Variants in IL1RAPL1 observed in about 807,000 individuals in gnomAD.
IL1RAPL1 encodes the protein interleukin 1 receptor accessory protein like 1.
Under a neutral mutation model 48.4 loss-of-function variants are expected in IL1RAPL1, and 3 were observed. The ratio of observed to expected loss-of-function variants is 0.06; its 90% CI spans 0.03 to 0.16. The LOEUF is 0.16. Among genes scored for constraint, IL1RAPL1 ranks in the 10% least tolerant of loss-of-function variants. IL1RAPL1 has a pLI of 1.00. For synonymous variants in IL1RAPL1, 185 were observed against 187.7 expected (o/e 0.99, Z 0.12); for missense variants, 349 against 530.6 (o/e 0.66, Z 3.36).
chrX:29,077,618 A>AAAAAAG lies in IL1RAPL1; in HGVS notation c.83-205316_83-205315insAGAAAA, dbSNP rs1555960262. ...ACTCTGTCTCAAAAAGAAAAAAAAAAAAAAGAAAAAGAAAACCGAAAACCT... is the reference window on the plus strand; with the variant it reads ...ACTCTGTCTCAAAAAGAAAAAAAAAAAAAAAGAAAAGAAAAAGAAAACCGAAAACCT... On this transcript the variant is annotated intron_variant, in intron 2 of 10. Transcript: ENST00000378993. Among the ~76,000 whole-genome samples, 79 of 104,669 alleles carry AAAAAAG rather than the reference A, an allele frequency of 7.5e-4. No individual in the cohort carries two copies. The South Asian group carries it at 9.3e-3, about 12-fold the overall frequency. The allele number at this position is 104,669 out of a possible 115,157, so 90.9% of individuals were successfully genotyped here. A position where few individuals can be genotyped will look rare whatever the true frequency, so the allele number is the denominator to read the frequency against.
chrX:28,977,261 G>T (rs923091505), intron 2 of IL1RAPL1, among the ~76,000 whole-genome samples: 25 of 112,314 alleles, frequency 2.2e-4, no homozygotes, highest in Admixed American at 6.6e-4. Context: ...TTGGTTCACA[G>T]TTCTGCAGGC....
intron 2 of IL1RAPL1, among the ~76,000 whole-genome samples, chrX:29,141,874 A>G (rs2147492109): frequency 8.9e-6 from 1 of 112,323 alleles, no homozygotes; most frequent in African/African-American, 3.2e-5. Flanking sequence ...AAGACAGCAG[A>G]CTATCAATAG....
chrX:28,846,755 C>T (rs1204632007), intron 2 of IL1RAPL1, among the ~76,000 whole-genome samples: 4 of 111,827 alleles, frequency 3.6e-5, no homozygotes, highest in Admixed American at 9.5e-5. Flanking sequence ...TGCAATATTT[C>T]GTTTTAAGCA....
At chrX:29,663,430 T>C (rs1041914294) in intron 5 of IL1RAPL1, among the ~76,000 whole-genome samples, 3 of 112,329 alleles carry the variant, frequency 2.7e-5, no homozygotes, top group Non-Finnish European at 5.6e-5. Context: ...ATAAATATGC[T>C]CTCATCTATG....
intron 2 of IL1RAPL1, among the ~76,000 whole-genome samples, chrX:29,040,696 T>G (rs149940014): frequency 2.7e-5 from 3 of 112,523 alleles, no homozygotes; most frequent in African/African-American, 9.7e-5. Context: ...AGAGATAATG[T>G]GTAAGGTGTG....
chrX:29,794,864 C>T (rs1929709282), intron 6 of IL1RAPL1, among the ~76,000 whole-genome samples: 1 of 112,069 alleles, frequency 8.9e-6, no homozygotes, highest in African/African-American at 3.2e-5. Context: ...TTGAACACCA[C>T]TCATTTCATC....
At chrX:29,211,267 G>A (rs1349390669) in intron 2 of IL1RAPL1, among the ~76,000 whole-genome samples, 2 of 111,902 alleles carry the variant, frequency 1.8e-5, no homozygotes, top group African/African-American at 6.5e-5. Flanking sequence ...GCCATAAATT[G>A]TTTGTATAGA....
chrX:29,168,883 A>ATG (rs1421406063), intron 2 of IL1RAPL1, among the ~76,000 whole-genome samples: 2,102 of 85,734 alleles, frequency 0.025, 325 homozygotes, highest in Non-Finnish European at 0.037. Flanking sequence ...ACAATTGTAT[A>ATG]TATATATTCA....
intron 6 of IL1RAPL1, among the ~76,000 whole-genome samples, chrX:29,887,080 A>G (rs1053658892): frequency 8.9e-6 from 1 of 111,913 alleles, no homozygotes; most frequent in Non-Finnish European, 1.9e-5. Context: ...CCCATAACCT[A>G]TGTTTCACTT....
intron 2 of IL1RAPL1, among the ~76,000 whole-genome samples, chrX:29,126,227 C>T (rs1928897438): frequency 9.0e-6 from 1 of 111,221 alleles, no homozygotes; most frequent in African/African-American, 3.3e-5. Flanking sequence ...TGAGTGCATA[C>T]TTTAGTCAAA....
chrX:28,736,790 CAT>C (rs745618564), intron 1 of IL1RAPL1, among the ~76,000 whole-genome samples: 320 of 112,079 alleles, frequency 2.9e-3, no homozygotes, highest in Middle Eastern at 4.7e-3. Flanking sequence ...TATTTTGTTT[CAT>C]AGATTTGAGA....
intron 5 of IL1RAPL1, among the ~76,000 whole-genome samples, chrX:29,602,321 T>G (rs760139553): frequency 1.2e-4 from 14 of 112,013 alleles, no homozygotes; most frequent in African/African-American, 4.5e-4. Flanking sequence ...GCTCTTCACA[T>G]TAGAGGCCAA....
chrX:28,657,086 A>C, intron 1 of IL1RAPL1, among the ~76,000 whole-genome samples: 1 of 110,547 alleles, frequency 9.0e-6, no homozygotes, highest in Non-Finnish European at 1.9e-5. Context: ...TAATGGGGGC[A>C]TATACTATGT....
At chrX:28,870,469 C>T (rs1164462406) in intron 2 of IL1RAPL1, among the ~76,000 whole-genome samples, 1 of 111,235 alleles carries the variant, frequency 9.0e-6, no homozygotes, top group Non-Finnish European at 1.9e-5. Context: ...ATAACAACTT[C>T]CTTGAACTTT....
intron 2 of IL1RAPL1, among the ~76,000 whole-genome samples, chrX:29,236,210 T>C (rs1931290463): frequency 1.8e-5 from 2 of 112,552 alleles, no homozygotes; most frequent in Admixed American, 9.4e-5. Context: ...AAAATTATAT[T>C]TGTCCCTGTT....
chrX:28,830,717 T>C (rs1921021442), intron 2 of IL1RAPL1, among the ~76,000 whole-genome samples: 1 of 110,984 alleles, frequency 9.0e-6, no homozygotes, highest in Non-Finnish European at 1.9e-5. Context: ...ATTTTGTGTG[T>C]ATGTGTCTCA....
intron 5 of IL1RAPL1, among the ~76,000 whole-genome samples, chrX:29,443,047 A>T (rs1002419317): frequency 1.8e-5 from 2 of 110,989 alleles, no homozygotes; most frequent in African/African-American, 3.3e-5. Context: ...GTACAGAGCA[A>T]TCCCCACCAT....
intron 2 of IL1RAPL1, among the ~76,000 whole-genome samples, chrX:29,276,684 T>G (rs1262018318): frequency 9.0e-6 from 1 of 111,220 alleles, no homozygotes; most frequent in Non-Finnish European, 1.9e-5. Context: ...TAAATGAGGT[T>G]TTTTTTTCTT....
chrX:29,461,880 A>C (rs1271253835), intron 5 of IL1RAPL1, among the ~76,000 whole-genome samples: 2 of 111,963 alleles, frequency 1.8e-5, no homozygotes, highest in East Asian at 5.6e-4. Context: ...GATTAGCTAC[A>C]AATTGGCATG....
Sources: allele counts gnomAD v4.1 joint callset (sites outside exome capture counted in the v4.1 genomes callset), GRCh38; gene constraint gnomAD v4.1.1; transcripts MANE v1.5; gene names NCBI Gene and HGNC (gene_info 2026-07-23, HGNC 2026-07-21).